Variants in CDK11A observed in about 807,000 individuals in gnomAD.
The protein encoded by CDK11A is cyclin dependent kinase 11A, also known as cyclin-dependent kinase 11A.
In CDK11A, 55 loss-of-function variants were observed where a neutral mutation model predicts 83.6. That is an observed-to-expected ratio of 0.66 (90% confidence interval 0.53 to 0.82). The LOEUF is 0.82. Ranked by LOEUF, CDK11A falls within the 40% of genes least tolerant of loss-of-function variation. The pLI, the probability that CDK11A is intolerant of heterozygous loss-of-function variation, is 0.00. For missense variants in CDK11A, 564 were observed against 810.1 expected (o/e 0.70, Z 3.69); for synonymous variants, 247 against 302.7 (o/e 0.82, Z 1.91).
intron 3 of CDK11A, among the ~76,000 whole-genome samples, chr1:1,720,194 A>G (rs1245348549): frequency 2.7e-5 from 4 of 148,984 alleles, no homozygotes; most frequent in African/African-American, 7.4e-5. Context: ...TCCTGGGTTC[A>G]TGCCATTCTC....
In CDK11A at chr1:1,716,286, G is replaced by C. The variant is rs368680882; in HGVS notation, c.488+60C>G. ...TATTGCCAAATTCTTCTTCATTGCTGTGACAGGACACACTACCACGGCCCT... is the reference window on the plus strand; with the variant it reads ...TATTGCCAAATTCTTCTTCATTGCTCTGACAGGACACACTACCACGGCCCT... On this transcript the variant is annotated intron_variant, in intron 5 of 19. Coordinates refer to ENST00000404249, the MANE Select transcript of CDK11A (RefSeq NM_024011.4). The C allele has an allele frequency of 1.3e-3, 2,076 of 1,561,768 alleles. 100 individuals are homozygous for C. In the Middle Eastern group the frequency reaches 0.021, roughly 16 times the overall value.
rs749553971 is a variant in CDK11A, at chr1:1,704,521, G to A, written c.1564+29C>T. ...ACCAGGACACTGCCCCCACTTGTAC[G>A]CAGACAGGACCCCGGGGCGCGGCTG... On this transcript the variant is annotated intron_variant, in intron 14 of 19. Coordinates refer to ENST00000404249, the MANE Select transcript of CDK11A (RefSeq NM_024011.4). 1.7e-5 allele frequency: 27 copies of A among 1,598,370 alleles called. 1 individual carries two copies. The highest frequency in any genetic ancestry group is 3.5e-5 in the Admixed American group (2 of 57,946).
intron 10 of CDK11A, 96 bp downstream of exon 10, chr1:1,708,084 C>T (rs1333432866): frequency 1.3e-5 from 20 of 1,568,532 alleles, no homozygotes; most frequent in African/African-American, 4.1e-5. Context: ...CAGACCCTGG[C>T]GTGCCCCACG....
Position 1,719,349 on chromosome 1 carries a change from G to T in CDK11A, c.334C>A (p.His112Asn), listed in dbSNP as rs768075476. The T allele has an allele frequency of 1.3e-6, 2 of 1,531,100 alleles. No homozygotes were observed. Among genetic ancestry groups the T allele is most frequent in the South Asian group, 2.5e-5 (2 of 78,796 alleles). The allele number at this position is 1,531,100 out of a possible 1,614,324, so 94.8% of individuals were successfully genotyped here. A position where few individuals can be genotyped will look rare whatever the true frequency, so the allele number is the denominator to read the frequency against. Reference protein sequence around the residue: ...DEKRKEKCRHHSHSAEGGKHA... With the variant: ...DEKRKEKCRHNSHSAEGGKHA... ...GTACCCCCTTCTGCTGAATGGCTAT[G>T]ATGCCTACATTTTTCTTTTCTCTTT... Residue 112 changes from histidine to asparagine, a missense_variant, in exon 4 of 20, where the codon CAT (histidine) becomes AAT (asparagine). Physicochemically the swap from His to Asn is moderately conservative, Grantham distance 68 (BLOSUM62 1). Coordinates refer to ENST00000404249, the MANE Select transcript of CDK11A (RefSeq NM_024011.4).
At position 1,722,954 on chromosome 1, in the gene CDK11A, C is replaced by T. The variant is rs1222171741; in HGVS notation, c.-13-123G>A. ...CTCATTAAGAATAAGAAGTTGTGCC[C>T]GGCGCAGTGGCTCAAGACGGTAACC... On this transcript the variant is annotated intron_variant, in intron 1 of 19. Transcript: ENST00000404249. 2.0e-5 allele frequency: 8 copies of T among 393,180 alleles called. No individual in the cohort carries two copies. In the East Asian group the frequency reaches 3.0e-4, roughly 15 times the overall value. 24.4% of individuals were successfully genotyped at this position (393,180 alleles called of 1,614,324 possible).
chr1:1,708,412 G>A (rs1322196334), intron 9 of CDK11A, among the ~76,000 whole-genome samples, 167 bp from the exon 10 acceptor site: 1 of 149,770 alleles, frequency 6.7e-6, no homozygotes, highest in African/African-American at 2.5e-5. Flanking sequence ...AGGCCGAGGC[G>A]GGTGGATCAC....
In CDK11A at chr1:1,703,981, C is replaced by T. The variant is rs748460635; in HGVS notation, c.1795-41G>A. 8.0e-5 allele frequency: 128 copies of T among 1,607,324 alleles called. 10 individuals carry two copies. Among genetic ancestry groups the T allele is most frequent in the East Asian group, 3.4e-4 (15 of 44,748 alleles). On this transcript the variant is annotated intron_variant, in intron 16 of 19. Transcript: ENST00000404249. ...AGGTGTTCAGGAAGGCCAGTGCCCGCGAAGCTGTGGGAGGCTGCATGGGGG... is the reference window on the plus strand; with the variant it reads ...AGGTGTTCAGGAAGGCCAGTGCCCGTGAAGCTGTGGGAGGCTGCATGGGGG...
At chr1:1,716,090 G>A (rs1311503311) in intron 5 of CDK11A, among the ~76,000 whole-genome samples, 3 of 150,548 alleles carry the variant, frequency 2.0e-5, no homozygotes, top group Non-Finnish European at 4.4e-5. Flanking sequence ...GCGCCCGGCG[G>A]GACGTGCAGA....
Position 1,702,722 on chromosome 1 carries a change from C to A in CDK11A, c.*185G>T. 1 of 615,702 alleles carries A rather than the reference C, an allele frequency of 1.6e-6. No individual in the cohort carries two copies. The highest frequency in any genetic ancestry group is 2.9e-6 in the Non-Finnish European group (1 of 346,720). The allele number at this position is 615,702 out of a possible 1,614,324, so 38.1% of individuals were successfully genotyped here. On this transcript the variant is annotated 3_prime_UTR_variant, in exon 20 of 20. Coordinates refer to ENST00000404249, the MANE Select transcript of CDK11A (RefSeq NM_024011.4). ...ATGCCCTGGCAAGTCACGGAGAAAACACAGCTCTTTCCTCCACAACAAGGA... is the reference window on the plus strand; with the variant it reads ...ATGCCCTGGCAAGTCACGGAGAAAAAACAGCTCTTTCCTCCACAACAAGGA...
intron 4 of CDK11A, among the ~76,000 whole-genome samples, chr1:1,717,749 CTG>C (rs547553974): frequency 0.011 from 1,602 of 149,648 alleles, 68 homozygotes; most frequent in African/African-American, 0.038. Flanking sequence ...TCTGAACGGT[CTG>C]TGACACACGC....
rs1644134313 is a variant in CDK11A at position 1,702,784 on chromosome 1, CA to C, written c.*122del. ...TTCTACAAATTTACAAACCAAAATA[CA>C]AAAACAAAACATGGAGCACAAAGTA... On this transcript the variant is annotated 3_prime_UTR_variant, in exon 20 of 20. Transcript: ENST00000404249. The C allele has an allele frequency of 5.5e-6, 3 of 544,034 alleles. No individual in the cohort carries two copies. Among genetic ancestry groups the C allele is most frequent in the Non-Finnish European group, 1.0e-5 (3 of 298,860 alleles). 33.7% of individuals were successfully genotyped at this position (544,034 alleles called of 1,614,324 possible).
chr1:1,719,559 G>T, intron 3 of CDK11A, 104 bp from the exon 4 acceptor site: 2 of 838,826 alleles, frequency 2.4e-6, no homozygotes, highest in Non-Finnish European at 1.7e-6. Flanking sequence ...GATTCAGATA[G>T]GAACGAAGCT....
At chr1:1,723,235 T>TAA (rs1164936993) in intron 1 of CDK11A, among the ~76,000 whole-genome samples, 32 of 49,242 alleles carry the variant, frequency 6.5e-4, no homozygotes, top group South Asian at 2.2e-3. Context: ...AAGACTTGGT[T>TAA]AAAAAAAAAA....
Position 1,704,346 on chromosome 1 carries a change from T to C in CDK11A, c.1565-2A>G, listed in dbSNP as rs1557779582. The C allele has an allele frequency of 6.2e-7, 1 of 1,606,868 alleles. No individual in the cohort carries two copies. Among genetic ancestry groups the C allele is most frequent in the South Asian group, 1.1e-5 (1 of 90,550 alleles). On this transcript the variant is annotated splice_acceptor_variant, in intron 14 of 19. Transcript: ENST00000404249. LOFTEE classifies it high-confidence loss of function. ...GGATCATCAGGGTCTTCACCTCCCCTGGGAGGGAGGGAGGCTCCCATGTGG... is the reference window on the plus strand; with the variant it reads ...GGATCATCAGGGTCTTCACCTCCCCCGGGAGGGAGGGAGGCTCCCATGTGG...
rs773213620 is a variant in CDK11A, at chr1:1,704,156, C to G, written c.1687-10G>C. Reference sequence around the variant, plus strand: ...GCCCAAAATCACCCACCTGCAACGACAGATGGGCGGCTGTGGGTGGGCCTG... The same window carrying G: ...GCCCAAAATCACCCACCTGCAACGAGAGATGGGCGGCTGTGGGTGGGCCTG... On this transcript the variant is annotated splice_polypyrimidine_tract_variant and intron_variant, in intron 15 of 19. Transcript: ENST00000404249. 3 of 1,606,954 alleles carry G rather than the reference C, an allele frequency of 1.9e-6. No individual in the cohort carries two copies. Among genetic ancestry groups the G allele is most frequent in the African/African-American group, 2.7e-5 (2 of 74,554 alleles).
chr1:1,703,761 C>T (rs1188078638), intron 17 of CDK11A, 63 bp downstream of exon 17: 7 of 1,591,912 alleles, frequency 4.4e-6, no homozygotes, highest in South Asian at 2.2e-5. Context: ...CTGTGCGCCC[C>T]GCAGCCCCAT....
At chr1:1,704,420 G>C in intron 14 of CDK11A, 76 bp from the exon 15 acceptor site, 2 of 1,576,148 alleles carry the variant, frequency 1.3e-6, no homozygotes, top group Non-Finnish European at 1.7e-6. Context: ...GCTCGCCTCG[G>C]CAGCAACAGA....
Position 1,715,828 on chromosome 1 carries a change from G to C in CDK11A, c.488+518C>G, listed in dbSNP as rs1441607708. Among the ~76,000 whole-genome samples, 2 of 150,978 alleles carry C rather than the reference G, an allele frequency of 1.3e-5. 1 individual carries two copies. Among genetic ancestry groups the C allele is most frequent in the Non-Finnish European group, 3.0e-5 (2 of 67,640 alleles). On this transcript the variant is annotated intron_variant, in intron 5 of 19. Transcript: ENST00000404249. ...TGGGGCTACACCGATGTTCTTTCTT[G>C]GGAATCTGGCTCATAAAGGGGAACG...
intron 11 of CDK11A, 31 bp downstream of exon 11, chr1:1,707,377 GA>G (rs1475665530): frequency 6.2e-7 from 1 of 1,601,742 alleles, no homozygotes; most frequent in East Asian, 2.2e-5. Context: ...TGCCAATGCG[GA>G]CAGCGGCCCG....
Sources: gnomAD v4.1 joint callset for allele counts (sites outside exome capture counted in the v4.1 genomes callset) on GRCh38, gnomAD v4.1.1 for gene constraint, MANE v1.5 for transcripts, NCBI Gene and HGNC (gene_info 2026-07-23, HGNC 2026-07-21) for gene names.